EPHA3: variants seen among roughly 807,000 people sequenced by gnomAD.
EPHA3 encodes the protein EPH receptor A3, also known as ephrin type-A receptor 3.
Under a neutral mutation model 107.1 loss-of-function variants are expected in EPHA3, and 42 were observed. The observed-to-expected ratio is 0.39, with a 90% CI of 0.31 to 0.51. The LOEUF is 0.51. Among genes scored for constraint, EPHA3 ranks in the 20% least tolerant of loss-of-function variants. The pLI is 0.78. For synonymous variants in EPHA3, 461 were observed against 424.8 expected (o/e 1.09, Z -1.05); for missense variants, 1,183 against 1,211.2 (o/e 0.98, Z 0.35).
At chr3:89,208,328 C>G (rs1460804724) in intron 2 of EPHA3, among the ~76,000 whole-genome samples, 1 of 144,398 alleles carries the variant, frequency 6.9e-6, no homozygotes, top group Non-Finnish European at 1.5e-5. Flanking sequence ...TGAGATCGTG[C>G]CATTGCACTC....
chr3:89,447,169 C>A (rs1709892072), intron 13 of EPHA3, among the ~76,000 whole-genome samples: 2 of 152,128 alleles, frequency 1.3e-5, no homozygotes, highest in African/African-American at 4.8e-5. Flanking sequence ...AGTTTTAGTG[C>A]ACGTTGCACA....
At chr3:89,232,898 T>G (rs989940731) in intron 3 of EPHA3, among the ~76,000 whole-genome samples, 1 of 152,206 alleles carries the variant, frequency 6.6e-6, no homozygotes, top group African/African-American at 2.4e-5. Flanking sequence ...TCAATTTTAT[T>G]GAACCGTAGC....
At chr3:89,201,874 T>C (rs1164790568) in intron 2 of EPHA3, among the ~76,000 whole-genome samples, 1 of 152,192 alleles carries the variant, frequency 6.6e-6, no homozygotes, top group Non-Finnish European at 1.5e-5. Context: ...GGATGTTAAG[T>C]GTGAACTTCA....
chr3:89,235,667 T>C (rs1454093235), intron 3 of EPHA3, among the ~76,000 whole-genome samples: 1 of 151,926 alleles, frequency 6.6e-6, no homozygotes, highest in Non-Finnish European at 1.5e-5. Context: ...ATGAACATGG[T>C]GTATCTATAA....
intron 6 of EPHA3, among the ~76,000 whole-genome samples, chr3:89,397,556 A>ATG (rs1708874662): frequency 1.3e-5 from 2 of 151,688 alleles, no homozygotes; most frequent in Non-Finnish European, 2.9e-5. Flanking sequence ...AAACTCCCTC[A>ATG]ACAAATGCAA....
chr3:89,172,064 C>T lies in EPHA3; in HGVS notation c.154-37796C>T, dbSNP rs189945698. Reference sequence around the variant, plus strand: ...CTCTACTCCCCCACCACCCCCTTTACGTCTGAAGCCATCAATTCATGTATT... The same window carrying T: ...CTCTACTCCCCCACCACCCCCTTTATGTCTGAAGCCATCAATTCATGTATT... On this transcript the variant is annotated intron_variant, in intron 2 of 16. Coordinates refer to ENST00000336596, the MANE Select transcript of EPHA3 (RefSeq NM_005233.6). Among the ~76,000 whole-genome samples the T allele has an allele frequency of 8.6e-3, 1,306 of 151,498 alleles. 9 individuals are homozygous for T. The highest frequency in any genetic ancestry group is 0.012 in the Non-Finnish European group (807 of 67,878).
chr3:89,436,667 ACTT>A lies in EPHA3; in HGVS notation c.2346+5312_2346+5314del, dbSNP rs1322044927. Among the ~76,000 whole-genome samples the A allele has an allele frequency of 2.6e-5, 4 of 152,204 alleles. No homozygotes were observed. In the East Asian group the frequency reaches 5.8e-4, roughly 22 times the overall value. On this transcript the variant is annotated intron_variant, in intron 13 of 16. Coordinates refer to ENST00000336596, the MANE Select transcript of EPHA3 (RefSeq NM_005233.6). ...TATATAATCTAATTATGTATTTAAA[ACTT>A]CTTAAACTTTGAAGAGTATTTGAGG...
chr3:89,284,382 A>T (rs922054951), intron 3 of EPHA3, among the ~76,000 whole-genome samples: 1 of 152,142 alleles, frequency 6.6e-6, no homozygotes, highest in Admixed American at 6.6e-5. Context: ...GAACATTCAG[A>T]AATATCTAAC....
chr3:89,169,117 G>T (rs1406497989), intron 2 of EPHA3, among the ~76,000 whole-genome samples: 2 of 152,094 alleles, frequency 1.3e-5, no homozygotes, highest in Admixed American at 1.3e-4. Context: ...GCCCATTTAG[G>T]TCACCTGAGT....
intron 3 of EPHA3, among the ~76,000 whole-genome samples, chr3:89,253,249 G>A (rs1705205220): frequency 6.6e-6 from 1 of 151,670 alleles, no homozygotes; most frequent in Non-Finnish European, 1.5e-5. Context: ...CCTCACTTTA[G>A]GGATAAAATC....
At chr3:89,422,035 T>C (rs1370372737) in intron 11 of EPHA3, among the ~76,000 whole-genome samples, 1 of 151,164 alleles carries the variant, frequency 6.6e-6, no homozygotes, top group Non-Finnish European at 1.5e-5. Flanking sequence ...ACTATATAAA[T>C]CCCAGTCATC....
intron 2 of EPHA3, among the ~76,000 whole-genome samples, chr3:89,199,145 T>A (rs1391445860): frequency 6.6e-6 from 1 of 152,146 alleles, no homozygotes; most frequent in Non-Finnish European, 1.5e-5. Flanking sequence ...AGTGAGAAAA[T>A]CTCTGATGAA....
At chr3:89,269,714 A>C in intron 3 of EPHA3, among the ~76,000 whole-genome samples, 1 of 147,480 alleles carries the variant, frequency 6.8e-6, no homozygotes, top group African/African-American at 2.5e-5. Context: ...CTAACTTGTC[A>C]TCTAGCATTA....
At chr3:89,440,211 A>C (rs1709757725) in intron 13 of EPHA3, among the ~76,000 whole-genome samples, 1 of 152,112 alleles carries the variant, frequency 6.6e-6, no homozygotes, top group Non-Finnish European at 1.5e-5. Context: ...ATAGATGCTA[A>C]ATCTTTTAGC....
intron 3 of EPHA3, among the ~76,000 whole-genome samples, chr3:89,311,807 A>T (rs1416179218): frequency 6.6e-6 from 1 of 152,032 alleles, no homozygotes; most frequent in Non-Finnish European, 1.5e-5. Context: ...CTTGGCACAG[A>T]CACTTGTATT....
chr3:89,457,407 C>T (rs1173044431), intron 15 of EPHA3, among the ~76,000 whole-genome samples: 1 of 152,132 alleles, frequency 6.6e-6, no homozygotes, highest in East Asian at 1.9e-4. Flanking sequence ...TACTGCAGAT[C>T]AGCAGGGGCA....
chr3:89,228,160 C>T (rs1216688470), intron 3 of EPHA3, among the ~76,000 whole-genome samples: 1 of 151,930 alleles, frequency 6.6e-6, no homozygotes, highest in East Asian at 1.9e-4. Flanking sequence ...TACTCAGATT[C>T]ACTGTTAAAC....
intron 3 of EPHA3, among the ~76,000 whole-genome samples, chr3:89,278,816 C>T (rs1242935480): frequency 2.0e-5 from 3 of 152,126 alleles, no homozygotes; most frequent in South Asian, 2.1e-4. Context: ...AAGAAATGTG[C>T]TAAAATGAGT....
chr3:89,211,793 T>C (rs866076569), intron 3 of EPHA3, among the ~76,000 whole-genome samples: 2,335 of 112,158 alleles, frequency 0.021, 63 homozygotes, highest in African/African-American at 0.037. Context: ...TTCTTCTTCT[T>C]CTTCTTCTTC....
Sources: gnomAD v4.1 joint callset for allele counts (sites outside exome capture counted in the v4.1 genomes callset) on GRCh38, gnomAD v4.1.1 for gene constraint, MANE v1.5 for transcripts, NCBI Gene and HGNC (gene_info 2026-07-23, HGNC 2026-07-21) for gene names.